OR52N4: variants seen among roughly 807,000 people sequenced by gnomAD.
OR52N4 encodes olfactory receptor family 52 subfamily N member 4, also known as olfactory receptor 52N4.
Under a neutral mutation model 15.0 loss-of-function variants are expected in OR52N4, and 15 were observed. That is an observed-to-expected ratio of 1.00 (90% CI 0.67 to 1.54). The LOEUF is 1.54. OR52N4 is among the 40% of genes most tolerant of loss of function. The pLI is 0.00. For synonymous variants in OR52N4, 143 were observed against 143.7 expected (o/e 1.00, Z 0.03); for missense variants, 421 against 394.0 (o/e 1.07, Z -0.58).
At chr11:5,749,887 C>A (rs1369645620), upstream of OR52N4, among the ~76,000 whole-genome samples, 14 of 151,928 alleles carry the variant, frequency 9.2e-5, no homozygotes, top group Non-Finnish European at 4.4e-5. Context: ...AGTCAAATTT[C>A]TTTGCAGAAG....
chr11:5,732,459 A>T, the OR52N4 span, among the ~76,000 whole-genome samples: 1 of 152,200 alleles, frequency 6.6e-6, no homozygotes, highest in African/African-American at 2.4e-5. Context: ...CCTCCAAGAG[A>T]CTGAATCCAT....
chr11:5,735,672 C>A, the OR52N4 span, among the ~76,000 whole-genome samples: 2 of 151,996 alleles, frequency 1.3e-5, no homozygotes, highest in African/African-American at 4.8e-5. Context: ...AGCCACCATG[C>A]AGAATAAAAA....
the OR52N4 span, chr11:5,736,356 T>G: frequency 1.7e-5 from 11 of 644,944 alleles, no homozygotes; most frequent in Non-Finnish European, 2.7e-5. Context: ...CAAGTAACAC[T>G]GAGATAAATA....
chr11:5,734,826 G>C, the OR52N4 span, among the ~76,000 whole-genome samples: 3 of 151,932 alleles, frequency 2.0e-5, no homozygotes, highest in South Asian at 2.1e-4. Context: ...AGTCAAACTA[G>C]CTTTACCTCC....
At chr11:5,749,322 A>G (rs1024125526), upstream of OR52N4, among the ~76,000 whole-genome samples, 1 of 152,038 alleles carries the variant, frequency 6.6e-6, no homozygotes, top group African/African-American at 2.4e-5. Context: ...TTTATCATTT[A>G]TCCAGCTAAG....
At chr11:5,747,583 A>C in the OR52N4 span, among the ~76,000 whole-genome samples, 1 of 151,950 alleles carries the variant, frequency 6.6e-6, no homozygotes, top group African/African-American at 2.4e-5. Flanking sequence ...TCTACAATTT[A>C]TACAACAATT....
chr11:5,735,058 T>C, the OR52N4 span, among the ~76,000 whole-genome samples: 10 of 151,986 alleles, frequency 6.6e-5, no homozygotes, highest in Non-Finnish European at 7.4e-5. Context: ...TTCTTCCAGA[T>C]TTTTTTGGTA....
In OR52N4 at chr11:5,755,310, C is replaced by T. The variant is rs891642963; in HGVS notation, c.570C>T (p.Ser190=). ...YCDHMSVAKL[S]CGNVKVNAIY... is the part of the protein sequence containing the mutation. ...ACCACATGTCTGTAGCCAAATTGTC[C>T]TGTGGTAATGTCAAGGTCAATGCCA... The change falls in exon 2 of 2, where the codon TCC becomes TCT. Residue 190 remains serine, a synonymous_variant. Transcript: ENST00000641350. The T allele has an allele frequency of 1.2e-6, 2 of 1,614,006 alleles. No homozygotes were observed. The highest frequency in any genetic ancestry group is 1.7e-6 in the Non-Finnish European group (2 of 1,179,954).
intron 1 of OR52N4, among the ~76,000 whole-genome samples, 190 bp downstream of exon 1, chr11:5,754,495 A>T (rs1368269686): frequency 6.6e-6 from 1 of 152,052 alleles, no homozygotes; most frequent in Non-Finnish European, 1.5e-5. Flanking sequence ...GAAAACTTAG[A>T]CTGCTCAATA....
Position 5,755,453 on chromosome 11 carries a change from A to C in OR52N4, c.713A>C (p.Lys238Thr). ...VSLSSADARQ[K>T]AFNTCTAHIC... The stretch of plus-strand genomic sequence containing the variant: ...CTCTCCTCAGCAGATGCTCGGCAGA[A>C]GGCCTTTAATACCTGCACTGCCCAC... The change falls in exon 2 of 2, where the codon AAG (lysine) becomes ACG (threonine). Residue 238 changes from lysine to threonine, a missense_variant. Coordinates refer to ENST00000641350, the MANE Select transcript of OR52N4 (RefSeq NM_001005175.5). 6.2e-7 allele frequency: 1 copy of C among 1,614,076 alleles called. No individual in the cohort carries two copies. Among genetic ancestry groups the C allele is most frequent in the African/African-American group, 1.3e-5 (1 of 75,046 alleles).
the OR52N4 span, chr11:5,737,700 G>A: frequency 1.6e-5 from 7 of 437,496 alleles, no homozygotes; most frequent in South Asian, 5.9e-5. Context: ...TTGAGAATAT[G>A]GAAGAAATTT....
chr11:5,748,426 T>C, the OR52N4 span, among the ~76,000 whole-genome samples: 7 of 151,830 alleles, frequency 4.6e-5, no homozygotes, highest in African/African-American at 1.7e-4. Context: ...TATTGTATCA[T>C]AATGATGATT....
upstream of OR52N4, among the ~76,000 whole-genome samples, chr11:5,753,843 A>G (rs925715763): frequency 1.3e-5 from 2 of 151,974 alleles, no homozygotes; most frequent in African/African-American, 4.8e-5. Flanking sequence ...AAATACAAAA[A>G]TTAGCTGGGC....
the OR52N4 span, among the ~76,000 whole-genome samples, chr11:5,748,120 C>G: frequency 6.6e-6 from 1 of 151,808 alleles, no homozygotes; most frequent in Non-Finnish European, 1.5e-5. Context: ...TATAGTAATT[C>G]TGTTTTGAAA....
At chr11:5,726,571 A>G in the OR52N4 span, 2 of 152,230 alleles carry the variant, frequency 1.3e-5, no homozygotes, top group African/African-American at 4.8e-5. Context: ...CAGGTCTGGA[A>G]CAATTTCATT....
chr11:5,755,497 T>C lies in OR52N4; in HGVS notation c.757T>C (p.Ser253Pro), dbSNP rs1384004935. The C allele has an allele frequency of 6.2e-7, 1 of 1,613,972 alleles. No individual in the cohort carries two copies. Among genetic ancestry groups the C allele is most frequent in the Non-Finnish European group, 8.5e-7 (1 of 1,179,872 alleles). ...TGCCCACATTTGTGCCATTGTTTTC[T>C]CCTATACTCCAGCTTTCTTCTCCTT... ...CTAHICAIVF[S>P]YTPAFFSFFS... Residue 253 changes from serine (S) to proline (P), a missense_variant, in exon 2 of 2, where the codon TCC becomes CCC. Coordinates refer to ENST00000641350, the MANE Select transcript of OR52N4 (RefSeq NM_001005175.5).
At chr11:5,728,704 T>C in the OR52N4 span, among the ~76,000 whole-genome samples, 1 of 152,216 alleles carries the variant, frequency 6.6e-6, no homozygotes, top group Non-Finnish European at 1.5e-5. Flanking sequence ...CAAAGCTCTG[T>C]CTCTGTCAGG....
rs373888955 is a variant in OR52N4 at position 5,755,230 on chromosome 11, C to T, written c.490C>T (p.Leu164Phe). 3 of 1,613,998 alleles carry T rather than the reference C, an allele frequency of 1.9e-6. No individual in the cohort carries two copies. The highest frequency in any genetic ancestry group is 1.7e-6 in the Non-Finnish European group (2 of 1,179,954). Residue 164 changes from leucine (L) to phenylalanine (F), a missense_variant, in exon 2 of 2, where the codon CTC becomes TTC. By Grantham distance (22) the Leu-to-Phe change is conservative. Coordinates refer to ENST00000641350, the MANE Select transcript of OR52N4 (RefSeq NM_001005175.5). ...GVLLIIPFTF[L>F]TKLLPYCRGN... ...ATTACTCATTATTCCCTTTACTTTC[C>T]TCACCAAGCTCCTGCCCTACTGCAG... is the stretch of plus-strand genomic sequence containing the variant.
chr11:5,740,926 C>A, the OR52N4 span, among the ~76,000 whole-genome samples: 1 of 127,662 alleles, frequency 7.8e-6, no homozygotes, highest in Non-Finnish European at 1.7e-5. Flanking sequence ...CCAAGGTGTG[C>A]ACTCTGGTTG....
Sources: gnomAD v4.1 joint callset for allele counts (sites outside exome capture counted in the v4.1 genomes callset) on GRCh38, gnomAD v4.1.1 for gene constraint, MANE v1.5 for transcripts, NCBI Gene and HGNC (gene_info 2026-07-23, HGNC 2026-07-21) for gene names.